NRXN3: variants seen among roughly 807,000 people sequenced by gnomAD.
The protein encoded by NRXN3 is neurexin III.
In NRXN3, 32 loss-of-function variants were observed where a neutral mutation model predicts 137.6. The ratio of observed to expected loss-of-function variants is 0.23; its 90% CI spans 0.18 to 0.31. The LOEUF (loss-of-function observed/expected upper bound fraction) is 0.31, where lower values mean the gene tolerates loss of function less well. Among genes scored for constraint, NRXN3 ranks in the 10% least tolerant of loss-of-function variants. The pLI, the probability that NRXN3 is intolerant of heterozygous loss-of-function variation, is 1.00. For synonymous variants in NRXN3, 798 were observed against 784.5 expected, an observed-to-expected ratio of 1.02 and a Z score of -0.29; for missense variants, 1,574 against 2,062.5, an observed-to-expected ratio of 0.76 and a Z score of 4.59.
At chr14:79,005,256 T>C (rs918184038) in intron 15 of NRXN3, among the ~76,000 whole-genome samples, 5 of 152,172 alleles carry the variant, frequency 3.3e-5, no homozygotes, top group African/African-American at 1.2e-4. Context: ...CCAAAGACAT[T>C]CCCTTGCTCG....
At chr14:78,866,631 C>A (rs2099087384) in intron 10 of NRXN3, among the ~76,000 whole-genome samples, 1 of 151,926 alleles carries the variant, frequency 6.6e-6, no homozygotes, top group South Asian at 2.1e-4. Flanking sequence ...AATAGTGTTC[C>A]TACTGATAGA....
chr14:79,574,823 ATTC>A (rs1194223935), intron 16 of NRXN3, among the ~76,000 whole-genome samples: 3 of 150,888 alleles, frequency 2.0e-5, no homozygotes, highest in Non-Finnish European at 4.4e-5. Context: ...AAGGGTTATT[ATTC>A]TTAATTTGCA....
chr14:78,538,091 G>A (rs370530759), intron 4 of NRXN3, among the ~76,000 whole-genome samples: 3 of 152,102 alleles, frequency 2.0e-5, no homozygotes, highest in Non-Finnish European at 2.9e-5. Context: ...TTGGCAATGC[G>A]GGCTCTTTTT....
intron 1 of NRXN3, among the ~76,000 whole-genome samples, chr14:78,235,707 G>A (rs2066198841): frequency 6.6e-6 from 1 of 151,968 alleles, no homozygotes; most frequent in Non-Finnish European, 1.5e-5. Context: ...TCTTTTCTAT[G>A]TGTCCATTTG....
At chr14:79,207,314 G>A (rs575279712) in intron 15 of NRXN3, among the ~76,000 whole-genome samples, 6 of 152,176 alleles carry the variant, frequency 3.9e-5, no homozygotes, top group South Asian at 2.1e-4. Context: ...CCCCCACCCC[G>A]CCCCAAGCGA....
chr14:78,560,472 C>T lies in NRXN3; in HGVS notation c.758-84648C>T, dbSNP rs1020298969. ...AGTGTTTATTTAACAAACAGCAACA[C>T]TTTTTAATTAAACTGTTGTTGAAGA... On this transcript the variant is annotated intron_variant, in intron 4 of 20. Coordinates refer to ENST00000335750, the MANE Select transcript of NRXN3 (RefSeq NM_001330195.2). 5.9e-5 allele frequency among the ~76,000 whole-genome samples: 9 copies of T among 152,280 alleles called. No homozygotes were observed. In the South Asian group the frequency reaches 1.7e-3, roughly 28 times the overall value.
At chr14:79,073,261 T>C (rs2099690656) in intron 15 of NRXN3, among the ~76,000 whole-genome samples, 1 of 152,138 alleles carries the variant, frequency 6.6e-6, no homozygotes, top group South Asian at 2.1e-4. Flanking sequence ...TTGGAGATAC[T>C]TGGTAATGTA....
chr14:79,465,839 C>A (rs184881285), intron 15 of NRXN3, among the ~76,000 whole-genome samples: 20 of 152,268 alleles, frequency 1.3e-4, no homozygotes, highest in Middle Eastern at 3.4e-3. Context: ...GATGAGTAAC[C>A]CGTGGAAGTA....
intron 14 of NRXN3, among the ~76,000 whole-genome samples, chr14:78,985,230 T>A (rs2099500208): frequency 2.0e-5 from 3 of 152,176 alleles, no homozygotes; most frequent in Admixed American, 2.0e-4. Flanking sequence ...CCCTAACATT[T>A]ACTGGAACAC....
intron 15 of NRXN3, among the ~76,000 whole-genome samples, chr14:79,226,468 G>C (rs1022999301): frequency 2.6e-5 from 4 of 152,050 alleles, no homozygotes; most frequent in African/African-American, 4.8e-5. Flanking sequence ...TTAATTTTGA[G>C]TTCCTCTTGT....
intron 10 of NRXN3, among the ~76,000 whole-genome samples, chr14:78,860,106 C>T (rs893699651): frequency 1.3e-5 from 2 of 152,120 alleles, no homozygotes; most frequent in Non-Finnish European, 2.9e-5. Flanking sequence ...ATGAAAATTT[C>T]AGGGCCAAAA....
At chr14:79,472,545 G>C (rs1283428243) in intron 16 of NRXN3, among the ~76,000 whole-genome samples, 4 of 152,182 alleles carry the variant, frequency 2.6e-5, no homozygotes. Context: ...AAAAGGCAAA[G>C]AGATCTTTAT....
intron 4 of NRXN3, among the ~76,000 whole-genome samples, chr14:78,452,521 T>C (rs369870617): frequency 9.9e-5 from 15 of 152,278 alleles, no homozygotes; most frequent in African/African-American, 3.6e-4. Context: ...GCTTTTTTCT[T>C]GGTATGAGGA....
intron 15 of NRXN3, among the ~76,000 whole-genome samples, chr14:79,182,798 T>TA: frequency 6.6e-6 from 1 of 152,280 alleles, no homozygotes; most frequent in East Asian, 1.9e-4. Context: ...CACAATAAAT[T>TA]ACTTAAGTTC....
chr14:78,839,279 G>A (rs73319776), intron 10 of NRXN3, among the ~76,000 whole-genome samples: 2,404 of 152,288 alleles, frequency 0.016, 66 homozygotes, highest in African/African-American at 0.055. Flanking sequence ...AAAGAGGGAT[G>A]TGCCAAAGAT....
chr14:79,731,357 C>G (rs1420990423), intron 19 of NRXN3, among the ~76,000 whole-genome samples: 1 of 152,186 alleles, frequency 6.6e-6, no homozygotes, highest in African/African-American at 2.4e-5. Context: ...GACATTCCCT[C>G]AGATATTTTA....
At chr14:79,745,136 A>G (rs1468498315) in intron 19 of NRXN3, among the ~76,000 whole-genome samples, 2 of 152,146 alleles carry the variant, frequency 1.3e-5, no homozygotes, top group Admixed American at 1.3e-4. Context: ...AGGAGCAAAC[A>G]TTCCAAAAAT....
intron 17 of NRXN3, among the ~76,000 whole-genome samples, chr14:79,682,220 C>A (rs1291266910): frequency 6.6e-6 from 1 of 152,102 alleles, no homozygotes; most frequent in African/African-American, 2.4e-5. Flanking sequence ...TATAAAACAG[C>A]CCCCATGCTG....
chr14:78,850,045 C>A (rs770004706), intron 10 of NRXN3, among the ~76,000 whole-genome samples: 5 of 152,224 alleles, frequency 3.3e-5, no homozygotes, highest in Non-Finnish European at 5.9e-5. Flanking sequence ...AAAATGTAAT[C>A]ACTTCCCTTT....
Sources: allele counts gnomAD v4.1 joint callset (sites outside exome capture counted in the v4.1 genomes callset), GRCh38; gene constraint gnomAD v4.1.1; transcripts MANE v1.5; gene names NCBI Gene and HGNC (gene_info 2026-07-23, HGNC 2026-07-21).